The following TBL1XR1 variants were observed in gnomAD, a reference collection of about 807,000 sequenced individuals.
TBL1XR1 encodes F-box-like/WD repeat-containing protein TBL1XR1.
In TBL1XR1, 5 loss-of-function variants were observed where a neutral mutation model predicts 66.9. The observed-to-expected ratio is 0.07, with a 90% confidence interval of 0.04 to 0.16. TBL1XR1 has a LOEUF of 0.16. Ranked by LOEUF, TBL1XR1 falls within the 10% of genes least tolerant of loss-of-function variation. The pLI is 1.00. For synonymous variants in TBL1XR1, 210 were observed against 206.0 expected, an observed-to-expected ratio of 1.02 and a Z score of -0.17; for missense variants, 238 against 623.2, an observed-to-expected ratio of 0.38 and a Z score of 6.58.
intron 1 of TBL1XR1, among the ~76,000 whole-genome samples, chr3:177,155,210 C>T (rs907196657): frequency 6.6e-6 from 1 of 152,034 alleles, no homozygotes; most frequent in African/African-American, 2.4e-5. Flanking sequence ...ACAAAGAAAG[C>T]GCTAATATCA....
intron 1 of TBL1XR1, among the ~76,000 whole-genome samples, chr3:177,121,119 T>C (rs188804851): frequency 4.6e-5 from 7 of 152,320 alleles, no homozygotes; most frequent in South Asian, 2.1e-4. Context: ...CGGCTTGTCA[T>C]AGAATTCTAA....
chr3:177,174,235 C>A (rs372425172), intron 1 of TBL1XR1, among the ~76,000 whole-genome samples: 1 of 151,754 alleles, frequency 6.6e-6, no homozygotes, highest in African/African-American at 2.4e-5. Flanking sequence ...AGTGAAACCC[C>A]GTCTGTAGTA....
At chr3:177,123,721 T>TA (rs1727262270) in intron 1 of TBL1XR1, among the ~76,000 whole-genome samples, 1 of 152,072 alleles carries the variant, frequency 6.6e-6, no homozygotes, top group Non-Finnish European at 1.5e-5. Flanking sequence ...TTCCAAACCT[T>TA]AAAACATATG....
rs545969104 is a variant in TBL1XR1 at position 177,115,025 on chromosome 3, A to G, written c.-121-16484T>C. The stretch of plus-strand genomic sequence containing the variant: ...AATAATAATAATGATTTTTAATTAA[A>G]GTATCACTGTAAGGAGGAGTGAGGC... On this transcript the variant is annotated intron_variant, in intron 1 of 15. Transcript: ENST00000457928. Among the ~76,000 whole-genome samples the G allele has an allele frequency of 4.7e-4, 72 of 152,154 alleles. 1 individual carries two copies. In the South Asian group the frequency reaches 0.014, roughly 30 times the overall value.
In TBL1XR1 at chr3:177,020,115, TAA is replaced by T. The variant is rs1279181793; in HGVS notation, c.*5381_*5382del. The T allele has an allele frequency of 6.6e-6, 1 of 151,970 alleles. No individual in the cohort carries two copies. Among genetic ancestry groups the T allele is most frequent in the African/African-American group, 2.4e-5 (1 of 41,370 alleles). 9.4% of individuals were successfully genotyped at this position (151,970 alleles called of 1,614,324 possible). A position where few individuals can be genotyped will look rare whatever the true frequency, so the allele number is the denominator to read the frequency against. ...TATAAAGTTTGTAGTAACAACTAGC[TAA>T]GAGAGAAAATGATTCAACTATAATT... On this transcript the variant is annotated 3_prime_UTR_variant, in exon 16 of 16. Transcript: ENST00000457928.
intron 2 of TBL1XR1, among the ~76,000 whole-genome samples, chr3:177,086,111 T>C (rs1722082754): frequency 6.6e-6 from 1 of 150,568 alleles, no homozygotes; most frequent in Admixed American, 6.7e-5. Context: ...ATATTAGCAC[T>C]AGCCAAGTCC....
At chr3:177,142,763 A>T (rs1729777051) in intron 1 of TBL1XR1, among the ~76,000 whole-genome samples, 1 of 152,222 alleles carries the variant, frequency 6.6e-6, no homozygotes, top group South Asian at 2.1e-4. Flanking sequence ...AGGGAAATAC[A>T]GTCAATCCTC....
At chr3:177,073,486 T>C (rs7613252) in intron 2 of TBL1XR1, among the ~76,000 whole-genome samples, 84 of 152,334 alleles carry the variant, frequency 5.5e-4, no homozygotes, top group African/African-American at 1.9e-3. Flanking sequence ...CTACTAACTC[T>C]AAAACATATT....
At chr3:177,040,220 C>T (rs1038287399) in intron 10 of TBL1XR1, among the ~76,000 whole-genome samples, 4 of 152,112 alleles carry the variant, frequency 2.6e-5, no homozygotes, top group Non-Finnish European at 5.9e-5. Flanking sequence ...AAGGCTGAGG[C>T]AGGAGGACTG....
At chr3:177,190,287 C>G (rs1483734415) in intron 1 of TBL1XR1, among the ~76,000 whole-genome samples, 5 of 152,040 alleles carry the variant, frequency 3.3e-5, no homozygotes, top group African/African-American at 1.2e-4. Context: ...GGCTACTATT[C>G]CAGAATTAAA....
chr3:177,050,486 T>C lies in TBL1XR1; in HGVS notation c.552A>G (p.Leu184=), dbSNP rs763665443. 6.2e-6 allele frequency: 10 copies of C among 1,613,614 alleles called. No individual in the cohort carries two copies. The highest frequency in any genetic ancestry group is 2.2e-5 in the East Asian group (1 of 44,850). Residue 184 remains leucine (L), a synonymous_variant, in exon 6 of 16, where the codon CTA becomes CTG. Coordinates refer to ENST00000457928, the MANE Select transcript of TBL1XR1 (RefSeq NM_024665.7). The part of the protein sequence containing the change: ...ICAWNPVSDL[L]ASGSGDSTAR... ...CACTTTGAGAAACATACCCTGATGC[T>C]AGGAGATCACTAACAGGGTTCCAGG... is the stretch of plus-strand genomic sequence containing the variant.
chr3:177,169,516 A>G (rs921805846), intron 1 of TBL1XR1, among the ~76,000 whole-genome samples: 1 of 152,230 alleles, frequency 6.6e-6, no homozygotes, highest in Non-Finnish European at 1.5e-5. Flanking sequence ...TAATGCTACC[A>G]TATTAGAACA....
At chr3:177,051,378 G>A (rs1717065291) in intron 5 of TBL1XR1, 126 bp downstream of exon 5, 1 of 832,800 alleles carries the variant, frequency 1.2e-6, no homozygotes, top group Non-Finnish European at 1.8e-6. Context: ...GAAATAGTCT[G>A]TACAACAAAC....
intron 1 of TBL1XR1, among the ~76,000 whole-genome samples, chr3:177,179,595 G>A (rs1734567101): frequency 2.0e-5 from 3 of 152,174 alleles, no homozygotes; most frequent in African/African-American, 7.2e-5. Context: ...AAAGGTTGCA[G>A]AAGTTATTCC....
chr3:177,178,144 C>T (rs1734375291), intron 1 of TBL1XR1, among the ~76,000 whole-genome samples: 4 of 152,050 alleles, frequency 2.6e-5, no homozygotes, highest in South Asian at 2.1e-4. Flanking sequence ...TGGCTGGGCA[C>T]GGTGAACAAG....
rs148659524 is a variant in TBL1XR1, at chr3:177,024,713, G to GAAAAAAAAAAAAAAAAAAAAAAAAAAAAA, written c.*784_*785insTTTTTTTTTTTTTTTTTTTTTTTTTTTTT. The GAAAAAAAAAAAAAAAAAAAAAAAAAAAAA allele has an allele frequency of 1.2e-5, 1 of 85,374 alleles. No individual in the cohort carries two copies. The highest frequency in any genetic ancestry group is 4.2e-5 in the African/African-American group (1 of 23,754). The allele number at this position is 85,374 out of a possible 1,614,324, so 5.3% of individuals were successfully genotyped here. A position where few individuals can be genotyped will look rare whatever the true frequency, so the allele number is the denominator to read the frequency against. On this transcript the variant is annotated 3_prime_UTR_variant, in exon 16 of 16. Coordinates refer to ENST00000457928, the MANE Select transcript of TBL1XR1 (RefSeq NM_024665.7). ...AGCCACATCACCAAAAAACAAAAAA[G>GAAAAAAAAAAAAAAAAAAAAAAAAAAAAA]AAAAAAAAAAAAAAAAAGCAAAACA...
chr3:177,050,169 T>TCC, intron 6 of TBL1XR1, 31 bp from the exon 7 acceptor site: 2 of 1,606,458 alleles, frequency 1.2e-6, no homozygotes, highest in Non-Finnish European at 1.7e-6. Flanking sequence ...TTTTAGATCC[T>TCC]CATGACATTC....
Position 177,088,034 on chromosome 3 carries a change from CTG to C in TBL1XR1, c.-46+10430_-46+10431del, listed in dbSNP as rs1454007028. Among the ~76,000 whole-genome samples, 4 of 152,270 alleles carry C rather than the reference CTG, an allele frequency of 2.6e-5. 1 individual carries two copies. The highest frequency in any genetic ancestry group is 4.1e-4 in the South Asian group (2 of 4,830). ...TATATGTCCTTGCTCTCACACTACT[CTG>C]TGTTTCTCGAGGTAAGACAGCTAGT... On this transcript the variant is annotated intron_variant, in intron 2 of 15. Coordinates refer to ENST00000457928, the MANE Select transcript of TBL1XR1 (RefSeq NM_024665.7).
At chr3:177,094,657 G>T (rs1421349462) in intron 2 of TBL1XR1, among the ~76,000 whole-genome samples, 1 of 152,174 alleles carries the variant, frequency 6.6e-6, no homozygotes, top group Non-Finnish European at 1.5e-5. Context: ...AATGGATAAT[G>T]GCATTCATAG....
Sources: allele counts gnomAD v4.1 joint callset (sites outside exome capture counted in the v4.1 genomes callset), GRCh38; gene constraint gnomAD v4.1.1; transcripts MANE v1.5; gene names NCBI Gene and HGNC (gene_info 2026-07-23, HGNC 2026-07-21).